NELL1: variants seen among roughly 807,000 people sequenced by gnomAD.
NELL1 encodes the protein neural EGFL like 1.
A neutral mutation model predicts 107.4 loss-of-function variants in NELL1; 76 were observed. That is an observed-to-expected ratio of 0.71 (90% CI 0.59 to 0.86). NELL1 has a LOEUF of 0.86. Ranked by LOEUF, NELL1 falls within the 40% of genes least tolerant of loss-of-function variation. The pLI, the probability that NELL1 is intolerant of heterozygous loss-of-function variation, is 0.00. For missense variants in NELL1, 1,024 were observed against 1,005.5 expected (o/e 1.02, Z -0.25); for synonymous variants, 353 against 341.2 (o/e 1.03, Z -0.38).
At chr11:21,551,279 A>G (rs1254956820) in intron 16 of NELL1, among the ~76,000 whole-genome samples, 5 of 152,010 alleles carry the variant, frequency 3.3e-5, no homozygotes, top group Non-Finnish European at 7.4e-5. Context: ...CAATCATGTC[A>G]TCTGCAAACA....
intron 2 of NELL1, among the ~76,000 whole-genome samples, chr11:20,680,899 G>A (rs1173767065): frequency 2.0e-5 from 3 of 152,062 alleles, no homozygotes; most frequent in Non-Finnish European, 2.9e-5. Context: ...GTATTCTCAA[G>A]AATCTTGAAG....
intron 10 of NELL1, among the ~76,000 whole-genome samples, chr11:20,943,498 G>C (rs770886712): frequency 1.3e-5 from 2 of 152,028 alleles, no homozygotes; most frequent in East Asian, 3.9e-4. Context: ...CAGGGGAATC[G>C]CTTGAACCCA....
intron 2 of NELL1, among the ~76,000 whole-genome samples, chr11:20,702,232 G>T (rs1854811624): frequency 6.6e-6 from 1 of 152,096 alleles, no homozygotes; most frequent in South Asian, 2.1e-4. Flanking sequence ...CACATCCCTT[G>T]TAAATTGGAT....
At chr11:21,375,698 G>C (rs1851458227) in intron 15 of NELL1, among the ~76,000 whole-genome samples, 1 of 151,982 alleles carries the variant, frequency 6.6e-6, no homozygotes, top group African/African-American at 2.4e-5. Context: ...TTTCTCTGCA[G>C]CCTCACCAGC....
chr11:20,675,100 G>A (rs918634386), intron 1 of NELL1, among the ~76,000 whole-genome samples: 1 of 152,110 alleles, frequency 6.6e-6, no homozygotes, highest in Non-Finnish European at 1.5e-5. Flanking sequence ...TGGACCAGCC[G>A]GGACATGTTC....
chr11:20,897,436 G>A (rs1234702160), intron 5 of NELL1, among the ~76,000 whole-genome samples: 1 of 152,198 alleles, frequency 6.6e-6, no homozygotes, highest in Non-Finnish European at 1.5e-5. Context: ...ATATTTAAAT[G>A]TTAGACCTAA....
chr11:21,273,557 A>T (rs1848787436), intron 14 of NELL1, among the ~76,000 whole-genome samples: 1 of 152,240 alleles, frequency 6.6e-6, no homozygotes, highest in African/African-American at 2.4e-5. Context: ...AGAGAACACC[A>T]CAAAGATGCT....
intron 9 of NELL1, among the ~76,000 whole-genome samples, chr11:20,932,533 G>A (rs756755098): frequency 5.9e-5 from 9 of 152,198 alleles, no homozygotes; most frequent in Non-Finnish European, 1.2e-4. Flanking sequence ...CAAACACTTT[G>A]TCAGTTCTGG....
intron 15 of NELL1, among the ~76,000 whole-genome samples, chr11:21,424,999 G>T (rs1345124299): frequency 6.6e-6 from 1 of 151,966 alleles, no homozygotes; most frequent in Non-Finnish European, 1.5e-5. Flanking sequence ...CTACAAACCA[G>T]TATCACTTAT....
chr11:21,133,549 T>A (rs79408414), intron 13 of NELL1, among the ~76,000 whole-genome samples: 1,951 of 152,172 alleles, frequency 0.013, 44 homozygotes, highest in African/African-American at 0.044. Context: ...CTTCCCATGC[T>A]CATCAGTGCC....
At chr11:21,123,060 G>A (rs1219718776) in intron 13 of NELL1, among the ~76,000 whole-genome samples, 1 of 152,102 alleles carries the variant, frequency 6.6e-6, no homozygotes, top group Non-Finnish European at 1.5e-5. Context: ...ACTTAACCAT[G>A]TCCCAGAGTC....
chr11:21,207,673 A>C (rs1035310532), intron 13 of NELL1, among the ~76,000 whole-genome samples: 7 of 152,172 alleles, frequency 4.6e-5, no homozygotes, highest in African/African-American at 1.4e-4. Flanking sequence ...GAATCTGTTC[A>C]GATCTGAGGA....
intron 15 of NELL1, among the ~76,000 whole-genome samples, chr11:21,483,439 G>C (rs1230278445): frequency 2.0e-5 from 3 of 152,044 alleles, no homozygotes; most frequent in African/African-American, 7.2e-5. Flanking sequence ...TAAATGAACT[G>C]CTACACAGGG....
chr11:21,152,585 A>T (rs937529044), intron 13 of NELL1, among the ~76,000 whole-genome samples: 2 of 152,152 alleles, frequency 1.3e-5, no homozygotes, highest in Non-Finnish European at 2.9e-5. Context: ...ATGAATCCTG[A>T]TAATACAGCA....
At chr11:20,767,705 C>T (rs1355081329) in intron 2 of NELL1, among the ~76,000 whole-genome samples, 2 of 150,958 alleles carry the variant, frequency 1.3e-5, no homozygotes, top group Non-Finnish European at 2.9e-5. Flanking sequence ...GAAGAGGGAA[C>T]CAGCAATATA....
At chr11:21,564,051 A>G (rs190870493) in intron 17 of NELL1, among the ~76,000 whole-genome samples, 331 of 152,030 alleles carry the variant, frequency 2.2e-3, no homozygotes, top group Non-Finnish European at 3.7e-3. Flanking sequence ...GAGCCAGGAG[A>G]TTAAGGCTGA....
At chr11:21,139,180 G>A (rs1855809685) in intron 13 of NELL1, among the ~76,000 whole-genome samples, 2 of 152,206 alleles carry the variant, frequency 1.3e-5, no homozygotes, top group Admixed American at 1.3e-4. Context: ...TCTTTGGAAA[G>A]TAAGAGTGTG....
intron 4 of NELL1, among the ~76,000 whole-genome samples, chr11:20,880,780 T>G (rs560587620): frequency 1.5e-4 from 23 of 152,348 alleles, no homozygotes; most frequent in Non-Finnish European, 2.9e-4. Flanking sequence ...TGGCCTTTGA[T>G]GTCATCCTTT....
chr11:21,231,287 T>C (rs1858043805), intron 14 of NELL1, among the ~76,000 whole-genome samples: 1 of 152,186 alleles, frequency 6.6e-6, no homozygotes, highest in African/African-American at 2.4e-5. Flanking sequence ...CTAGTCACCT[T>C]ATTGCCCATG....
Sources: allele counts gnomAD v4.1 joint callset (sites outside exome capture counted in the v4.1 genomes callset), GRCh38; gene constraint gnomAD v4.1.1; transcripts MANE v1.5; gene names NCBI Gene and HGNC (gene_info 2026-07-23, HGNC 2026-07-21).